Variants in PTPRQ observed in about 807,000 individuals in gnomAD.
PTPRQ encodes the protein protein tyrosine phosphatase receptor type Q.
PTPRQ carries 199 observed loss-of-function variants against 246.0 expected under a neutral mutation model. That is an observed-to-expected ratio of 0.81 (90% CI 0.72 to 0.91). PTPRQ has a LOEUF of 0.91. Ranked by LOEUF, PTPRQ falls within the 40% of genes least tolerant of loss-of-function variation. PTPRQ has a pLI of 0.00. For synonymous variants in PTPRQ, 869 were observed against 853.2 expected (o/e 1.02, Z -0.32); for missense variants, 2,624 against 2,528.4 (o/e 1.04, Z -0.81).
intron 25 of PTPRQ, among the ~76,000 whole-genome samples, chr12:80,573,588 T>A (rs1426942171): frequency 6.6e-6 from 1 of 152,198 alleles, no homozygotes; most frequent in African/African-American, 2.4e-5. Flanking sequence ...CTGTACCTAT[T>A]AACCCATCAG....
chr12:80,481,555 C>T (rs968584135), intron 8 of PTPRQ, among the ~76,000 whole-genome samples: 15 of 151,924 alleles, frequency 9.9e-5, no homozygotes, highest in Non-Finnish European at 1.9e-4. Context: ...AAATAAAGGG[C>T]ATTCAATTAG....
At chr12:80,547,578 T>C (rs1340941732) in intron 24 of PTPRQ, among the ~76,000 whole-genome samples, 1 of 152,096 alleles carries the variant, frequency 6.6e-6, no homozygotes, top group African/African-American at 2.4e-5. Flanking sequence ...AAATGCAAAA[T>C]AAATAGCATT....
chr12:80,598,708 GTGGTAGGCCC>G (rs1898047516), intron 26 of PTPRQ, among the ~76,000 whole-genome samples: 1 of 151,956 alleles, frequency 6.6e-6, no homozygotes, highest in Non-Finnish European at 1.5e-5. Flanking sequence ...AACACCCTGA[GTGGTAGGCCC>G]TTTTAATAAA....
At chr12:80,465,242 C>G (rs1893352310) in intron 6 of PTPRQ, 2 of 152,102 alleles carry the variant, frequency 1.3e-5, no homozygotes, top group South Asian at 2.1e-4. Context: ...TGCAAATAAA[C>G]TAGAAAATCT....
At chr12:80,619,864 A>G (rs1434053827) in intron 31 of PTPRQ, among the ~76,000 whole-genome samples, 1 of 151,564 alleles carries the variant, frequency 6.6e-6, no homozygotes, top group Non-Finnish European at 1.5e-5. Flanking sequence ...TGATTTTGGT[A>G]AGATGGAATC....
intron 8 of PTPRQ, among the ~76,000 whole-genome samples, chr12:80,481,472 G>A (rs11519745): frequency 2.0e-5 from 3 of 152,012 alleles, no homozygotes; most frequent in Non-Finnish European, 4.4e-5. Context: ...CACAAGACAG[G>A]GATGCCCCCT....
intron 43 of PTPRQ, among the ~76,000 whole-genome samples, chr12:80,675,751 T>C (rs1156264116): frequency 1.3e-5 from 2 of 152,196 alleles, no homozygotes; most frequent in Non-Finnish European, 2.9e-5. Flanking sequence ...TAACCAGCCA[T>C]AGCAAATTGT....
chr12:80,471,082 G>A (rs73345979), intron 7 of PTPRQ, among the ~76,000 whole-genome samples: 2,294 of 152,266 alleles, frequency 0.015, 64 homozygotes, highest in African/African-American at 0.052. Flanking sequence ...TGACCCTCAG[G>A]TTAGTAGATT....
chr12:80,444,590 A>G, intron 1 of PTPRQ, 151 bp from the exon 2 acceptor site: 1 of 703,318 alleles, frequency 1.4e-6, no homozygotes, highest in Non-Finnish European at 2.4e-6. Context: ...ACATATTTGT[A>G]TCTTACAATA....
intron 17 of PTPRQ, among the ~76,000 whole-genome samples, chr12:80,522,834 T>G (rs1043641646): frequency 6.6e-6 from 1 of 152,188 alleles, no homozygotes; most frequent in African/African-American, 2.4e-5. Context: ...CTTTTTTTGT[T>G]GTGTCTCTGC....
intron 28 of PTPRQ, among the ~76,000 whole-genome samples, chr12:80,611,989 A>AT (rs1195739137): frequency 2.0e-5 from 3 of 150,334 alleles, no homozygotes; most frequent in East Asian, 2.0e-4. Flanking sequence ...ATTTATTTAC[A>AT]TTTTTTGCAA....
chr12:80,546,702 G>A lies in PTPRQ; in HGVS notation c.4015+5G>A. ...AATTCACAACCCAAGAATCAGGTTA[G>A]ATACAGTTTTTGAGCCTAAAATGTT... On this transcript the variant is annotated splice_donor_5th_base_variant and intron_variant, in intron 24 of 44. Coordinates refer to ENST00000644991, the MANE Select transcript of PTPRQ (RefSeq NM_001145026.2). The A allele has an allele frequency of 6.5e-7, 1 of 1,545,956 alleles. No homozygotes were observed. The highest frequency in any genetic ancestry group is 8.7e-7 in the Non-Finnish European group (1 of 1,145,542).
At chr12:80,662,494 C>A (rs1024782414) in intron 39 of PTPRQ, among the ~76,000 whole-genome samples, 1 of 151,920 alleles carries the variant, frequency 6.6e-6, no homozygotes, top group South Asian at 2.1e-4. Flanking sequence ...AGCTGTATGA[C>A]CTGAAACTTT....
At chr12:80,651,642 G>A (rs1657814549) in intron 37 of PTPRQ, among the ~76,000 whole-genome samples, 1 of 152,062 alleles carries the variant, frequency 6.6e-6, no homozygotes, top group Non-Finnish European at 1.5e-5. Flanking sequence ...TTTGAGCATT[G>A]CTTACCAAAG....
At chr12:80,637,198 ATT>A (rs74516616) in intron 35 of PTPRQ, among the ~76,000 whole-genome samples, 52 of 150,788 alleles carry the variant, frequency 3.4e-4, no homozygotes, top group Admixed American at 1.2e-3. Flanking sequence ...AAAAGAGTAG[ATT>A]TTTTTTTTTT....
intron 8 of PTPRQ, among the ~76,000 whole-genome samples, chr12:80,480,650 G>A (rs967630269): frequency 1.3e-5 from 2 of 151,906 alleles, no homozygotes; most frequent in Non-Finnish European, 1.5e-5. Context: ...GAAAAAAAGA[G>A]AGAAGAATCA....
chr12:80,590,567 C>G (rs1897761205), intron 26 of PTPRQ, among the ~76,000 whole-genome samples: 1 of 148,560 alleles, frequency 6.7e-6, no homozygotes, highest in South Asian at 2.2e-4. Context: ...ACTCGGGAGG[C>G]TGAGGCAGGA....
At chr12:80,534,277 A>G in intron 18 of PTPRQ, 102 bp downstream of exon 18, 8 of 1,197,016 alleles carry the variant, frequency 6.7e-6, no homozygotes, top group South Asian at 2.2e-5. Context: ...GATGAAGCCT[A>G]ATATTCATCA....
At chr12:80,539,707 CAATT>C (rs1361828386) in intron 19 of PTPRQ, 65 bp from the exon 20 acceptor site, 21 of 1,253,492 alleles carry the variant, frequency 1.7e-5, no homozygotes, top group Non-Finnish European at 2.2e-5. Flanking sequence ...CCATTGATAA[CAATT>C]AGTTTGAAGT....
Sources: gnomAD v4.1 joint callset for allele counts (sites outside exome capture counted in the v4.1 genomes callset) on GRCh38, gnomAD v4.1.1 for gene constraint, MANE v1.5 for transcripts, NCBI Gene and HGNC (gene_info 2026-07-23, HGNC 2026-07-21) for gene names.